PAM: variants seen among roughly 807,000 people sequenced by gnomAD.
The protein encoded by PAM is peptidylglycine alpha-amidating monooxygenase, also known as peptidyl-glycine alpha-amidating monooxygenase.
A neutral mutation model predicts 122.1 loss-of-function variants in PAM; 72 were observed. The observed-to-expected ratio is 0.59, with a 90% CI of 0.49 to 0.72. PAM has a LOEUF of 0.72. Among genes scored for constraint, PAM ranks in the 30% least tolerant of loss-of-function variants. The probability of loss-of-function intolerance (pLI) is 0.00; values close to 1 mark genes in which losing one functional copy is unlikely to be tolerated. For missense variants in PAM, 1,106 were observed against 1,183.7 expected (o/e 0.93, Z 0.96); for synonymous variants, 389 against 404.4 (o/e 0.96, Z 0.46).
chr5:102,798,791 A>G (rs904640756), intron 1 of PAM, among the ~76,000 whole-genome samples: 2 of 152,208 alleles, frequency 1.3e-5, no homozygotes, highest in African/African-American at 4.8e-5. Context: ...AAAGATAGGA[A>G]GGAAAGCATG....
intron 14 of PAM, among the ~76,000 whole-genome samples, chr5:102,972,435 C>A (rs555593273): frequency 6.6e-6 from 1 of 152,136 alleles, no homozygotes; most frequent in African/African-American, 2.4e-5. Context: ...TTGAATGCCA[C>A]CACACCCAGC....
intron 7 of PAM, among the ~76,000 whole-genome samples, chr5:102,927,943 T>C (rs1244701417): frequency 1.3e-5 from 2 of 152,152 alleles, no homozygotes; most frequent in Non-Finnish European, 2.9e-5. Context: ...AAGGTTTTGC[T>C]GAAAACAAAG....
At chr5:102,880,220 G>A (rs2151113875) in intron 3 of PAM, among the ~76,000 whole-genome samples, 1 of 152,226 alleles carries the variant, frequency 6.6e-6, no homozygotes, top group Non-Finnish European at 1.5e-5. Flanking sequence ...GATGGAGGTT[G>A]CAGTGAGCTA....
Position 103,007,530 on chromosome 5 carries a change from C to T in PAM, c.2088C>T (p.Gly696=). The T allele has an allele frequency of 1.2e-6, 2 of 1,613,892 alleles. No homozygotes were observed. The highest frequency in any genetic ancestry group is 1.7e-6 in the Non-Finnish European group (2 of 1,179,952). The change falls in exon 20 of 26, where the codon GGC becomes GGT. Residue 696 remains glycine, a synonymous_variant. Coordinates refer to ENST00000438793, the MANE Select transcript of PAM (RefSeq NM_001177306.2). ...GCTTGGCTCTTGTGCCTCTTTTGGGCCAATTATGTGTGGCAGACCGGGAAA... is the reference window on the plus strand; with the variant it reads ...GCTTGGCTCTTGTGCCTCTTTTGGGTCAATTATGTGTGGCAGACCGGGAAA... ...PHSLALVPLL[G]QLCVADRENG...
intron 5 of PAM, among the ~76,000 whole-genome samples, chr5:102,916,622 CTT>C (rs1038427525): frequency 8.9e-5 from 12 of 135,586 alleles, no homozygotes; most frequent in African/African-American, 3.4e-4. Context: ...ACAATCAGGC[CTT>C]TTTATATATA....
At chr5:103,015,496 G>A (rs1235116725) in intron 21 of PAM, among the ~76,000 whole-genome samples, 1 of 152,124 alleles carries the variant, frequency 6.6e-6, no homozygotes, top group Non-Finnish European at 1.5e-5. Context: ...AGATCTTTAT[G>A]TCTGTGTAGC....
intron 5 of PAM, among the ~76,000 whole-genome samples, chr5:102,920,834 T>C (rs1747199892): frequency 1.3e-5 from 2 of 151,948 alleles, no homozygotes; most frequent in Admixed American, 6.6e-5. Context: ...AAACGAGTTA[T>C]CAGTTCTGAT....
chr5:102,861,625 G>A (rs1364041666), intron 1 of PAM, among the ~76,000 whole-genome samples: 1 of 152,108 alleles, frequency 6.6e-6, no homozygotes, highest in East Asian at 1.9e-4. Flanking sequence ...GGCAAAGTTT[G>A]GAACCTGAGG....
chr5:102,889,723 A>AAG (rs1794211878), intron 3 of PAM, among the ~76,000 whole-genome samples: 1 of 151,916 alleles, frequency 6.6e-6, no homozygotes, highest in South Asian at 2.1e-4. Flanking sequence ...GTTAGGGGAA[A>AAG]AAGTCTGGCC....
At chr5:102,784,752 A>C (rs1397597361) in intron 1 of PAM, among the ~76,000 whole-genome samples, 1 of 152,350 alleles carries the variant, frequency 6.6e-6, no homozygotes, top group African/African-American at 2.4e-5. Flanking sequence ...ACTATATATT[A>C]TCTCATTTAA....
At chr5:102,944,020 A>G (rs949895154) in intron 7 of PAM, among the ~76,000 whole-genome samples, 1 of 152,122 alleles carries the variant, frequency 6.6e-6, no homozygotes, top group Non-Finnish European at 1.5e-5. Context: ...ATATTGTCCT[A>G]TGTTGTGATG....
At chr5:102,876,939 T>C (rs557510088) in intron 3 of PAM, among the ~76,000 whole-genome samples, 2 of 152,318 alleles carry the variant, frequency 1.3e-5, no homozygotes, top group Non-Finnish European at 2.9e-5. Flanking sequence ...TGTTAGAAAC[T>C]GTTAGTGTTT....
At chr5:102,779,746 G>T (rs922792060) in intron 1 of PAM, among the ~76,000 whole-genome samples, 3 of 151,578 alleles carry the variant, frequency 2.0e-5, no homozygotes, top group African/African-American at 4.9e-5. Flanking sequence ...CTGGATGCTG[G>T]ATGTTTCCTG....
At chr5:102,886,421 CTG>C (rs529054383) in intron 3 of PAM, among the ~76,000 whole-genome samples, 25 of 152,036 alleles carry the variant, frequency 1.6e-4, no homozygotes, top group African/African-American at 5.1e-4. Context: ...GTTAACAAGA[CTG>C]AAATGATTTT....
At chr5:102,837,998 A>G (rs964017468) in intron 1 of PAM, among the ~76,000 whole-genome samples, 2 of 152,208 alleles carry the variant, frequency 1.3e-5, no homozygotes, top group African/African-American at 2.4e-5. Flanking sequence ...CGTAACATTT[A>G]AAAAGTAATT....
intron 1 of PAM, among the ~76,000 whole-genome samples, chr5:102,859,584 A>G (rs1309571171): frequency 6.6e-6 from 1 of 152,170 alleles, no homozygotes; most frequent in Admixed American, 6.5e-5. Flanking sequence ...TTAATTTATT[A>G]TTGAAGAATA....
chr5:102,927,800 C>T (rs575455049), intron 7 of PAM, among the ~76,000 whole-genome samples: 1 of 149,368 alleles, frequency 6.7e-6, no homozygotes, highest in East Asian at 1.9e-4. Flanking sequence ...ATAAATGGAC[C>T]AGCCTATGAA....
At chr5:102,875,976 A>G (rs1486779574) in intron 3 of PAM, among the ~76,000 whole-genome samples, 2 of 152,240 alleles carry the variant, frequency 1.3e-5, no homozygotes, top group African/African-American at 2.4e-5. Flanking sequence ...TGCAAGGTTA[A>G]CAGTGCTTTG....
In PAM at chr5:102,981,094, G is replaced by T. The variant is rs115919877; in HGVS notation, c.1483+6658G>T. Among the ~76,000 whole-genome samples the T allele has an allele frequency of 2.5e-3, 374 of 152,228 alleles. 1 individual carries two copies. The highest frequency in any genetic ancestry group is 8.5e-3 in the African/African-American group (352 of 41,552). ...AATGAGTGTTTTTGTAATTGGTGAA[G>T]ATAGGCTCAAAACAACCTATGCGTC... On this transcript the variant is annotated intron_variant, in intron 15 of 25. Coordinates refer to ENST00000438793, the MANE Select transcript of PAM (RefSeq NM_001177306.2).
Sources: allele counts gnomAD v4.1 joint callset (sites outside exome capture counted in the v4.1 genomes callset), GRCh38; gene constraint gnomAD v4.1.1; transcripts MANE v1.5; gene names NCBI Gene and HGNC (gene_info 2026-07-23, HGNC 2026-07-21).